The following ARFGAP1 variants were observed in gnomAD, a reference collection of about 807,000 sequenced individuals.
ARFGAP1 encodes the protein ADP-ribosylation factor GTPase-activating protein 1.
ARFGAP1 carries 26 observed loss-of-function variants against 54.0 expected under a neutral mutation model. The ratio of observed to expected loss-of-function variants is 0.48; its 90% CI spans 0.35 to 0.67. The LOEUF (loss-of-function observed/expected upper bound fraction) is 0.67. Among genes scored for constraint, ARFGAP1 ranks in the 30% least tolerant of loss-of-function variants. The pLI, the probability that ARFGAP1 is intolerant of heterozygous loss-of-function variation, is 0.00. For synonymous variants in ARFGAP1, 248 were observed against 211.9 expected, an observed-to-expected ratio of 1.17 and a Z score of -1.48; for missense variants, 525 against 535.8, an observed-to-expected ratio of 0.98 and a Z score of 0.20.
At position 63,282,811 on chromosome 20, in the gene ARFGAP1, C is replaced by A; in HGVS notation, c.685-8C>A. 1 of 1,614,034 alleles carries A rather than the reference C, an allele frequency of 6.2e-7. No individual in the cohort carries two copies. The highest frequency in any genetic ancestry group is 8.5e-7 in the Non-Finnish European group (1 of 1,179,976). ...TCTGTCAAGCCTTGTCTTTGTTTTT[C>A]ATTTTAGGCTACAAAGTTTGGATCC... On this transcript the variant is annotated splice_polypyrimidine_tract_variant and splice_region_variant and intron_variant, in intron 8 of 12. Coordinates refer to ENST00000370283, the MANE Select transcript of ARFGAP1 (RefSeq NM_018209.4).
At chr20:63,282,109 C>T (rs980770988) in intron 8 of ARFGAP1, among the ~76,000 whole-genome samples, 4 of 152,320 alleles carry the variant, frequency 2.6e-5, no homozygotes, top group African/African-American at 9.6e-5. Context: ...TCACAGCGCG[C>T]ACCTGTCACA....
chr20:63,281,987 G>A (rs1234398770), intron 8 of ARFGAP1, among the ~76,000 whole-genome samples: 1 of 152,102 alleles, frequency 6.6e-6, no homozygotes, highest in African/African-American at 2.4e-5. Context: ...TGGAAGTCAC[G>A]GTGCGCACCT....
chr20:63,288,904 G>T lies in ARFGAP1; in HGVS notation c.*1031G>T, dbSNP rs2067639612. The T allele has an allele frequency of 4.1e-6, 1 of 246,626 alleles. No individual in the cohort carries two copies. Among genetic ancestry groups the T allele is most frequent in the African/African-American group, 2.2e-5 (1 of 45,518 alleles). The allele number at this position is 246,626 out of a possible 1,614,324, so 15.3% of individuals were successfully genotyped here. A position where few individuals can be genotyped will look rare whatever the true frequency, so the allele number is the denominator to read the frequency against. On this transcript the variant is annotated 3_prime_UTR_variant, in exon 13 of 13. Transcript: ENST00000370283. ...AGCTCGTGCAGTTTGTACGTGAGGTGCTCTCCTCCCTGCCACCATGCTCAT... is the reference window on the plus strand; with the variant it reads ...AGCTCGTGCAGTTTGTACGTGAGGTTCTCTCCTCCCTGCCACCATGCTCAT...
At chr20:63,285,969 C>T (rs1161642394) in intron 11 of ARFGAP1, 12 of 1,510,268 alleles carry the variant, frequency 7.9e-6, no homozygotes, top group African/African-American at 4.1e-5. Context: ...GCCTTTTCCT[C>T]GGTAAGTAAG....
At chr20:63,277,855 T>C (rs1249207211) in intron 5 of ARFGAP1, among the ~76,000 whole-genome samples, 2 of 152,084 alleles carry the variant, frequency 1.3e-5, no homozygotes, top group African/African-American at 4.8e-5. Context: ...GCCTCACCTC[T>C]CCCCGCTGCC....
At position 63,275,028 on chromosome 20, in the gene ARFGAP1, C is replaced by T. The variant is rs552511434; in HGVS notation, c.-4-549C>T. 5.9e-5 allele frequency among the ~76,000 whole-genome samples: 9 copies of T among 152,290 alleles called. No individual in the cohort carries two copies. The South Asian group carries it at 1.9e-3, about 32-fold the overall frequency. ...CCCCAGAAGGACCTACTGCAGGTCC[C>T]CCAGCAGGCTGGACTTTCCACACAC... On this transcript the variant is annotated intron_variant, in intron 1 of 12. Coordinates refer to ENST00000370283, the MANE Select transcript of ARFGAP1 (RefSeq NM_018209.4).
In ARFGAP1 at chr20:63,279,179, C is replaced by G. The variant is rs1416002974; in HGVS notation, c.627+184C>G. 7.2e-6 allele frequency: 5 copies of G among 691,842 alleles called. No individual in the cohort carries two copies. The East Asian group carries it at 1.4e-4, about 19-fold the overall frequency. 42.9% of individuals were successfully genotyped at this position (691,842 alleles called of 1,614,324 possible). On this transcript the variant is annotated intron_variant, in intron 7 of 12. Transcript: ENST00000370283. The stretch of plus-strand genomic sequence containing the variant: ...AATGTGGCTTAAATTTTTCAGATCC[C>G]AAATGTATTCAATCACTTCCTTTTT...
At position 63,288,130 on chromosome 20, in the gene ARFGAP1, A is replaced by G; in HGVS notation, c.*257A>G. The G allele has an allele frequency of 5.0e-6, 3 of 598,094 alleles. No homozygotes were observed. Among genetic ancestry groups the G allele is most frequent in the Non-Finnish European group, 6.0e-6 (2 of 331,036 alleles). The allele number at this position is 598,094 out of a possible 1,614,324, so 37.0% of individuals were successfully genotyped here. A position where few individuals can be genotyped will look rare whatever the true frequency, so the allele number is the denominator to read the frequency against. ...CACTCCCCTGGGCATTCTTGGACTC[A>G]AGGCCGGGGCTCTGCGTGGCTTGCT... On this transcript the variant is annotated 3_prime_UTR_variant, in exon 13 of 13. Transcript: ENST00000370283.
chr20:63,286,514 G>A, intron 12 of ARFGAP1, 72 bp downstream of exon 12: 2 of 1,453,528 alleles, frequency 1.4e-6, no homozygotes, highest in South Asian at 2.4e-5. Context: ...AGGCTCTCCA[G>A]GAGGTGGCTG....
chr20:63,284,421 C>G, intron 9 of ARFGAP1: 1 of 1,079,410 alleles, frequency 9.3e-7, no homozygotes, highest in Non-Finnish European at 1.1e-6. Flanking sequence ...GCTCCTTTCT[C>G]AGCAGCTTCT....
chr20:63,282,593 T>C (rs1456519335), intron 8 of ARFGAP1, among the ~76,000 whole-genome samples: 2 of 152,172 alleles, frequency 1.3e-5, no homozygotes, highest in African/African-American at 2.4e-5. Context: ...CTCACCCCAA[T>C]AGCACACCGA....
At chr20:63,287,075 C>T (rs944896814) in intron 12 of ARFGAP1, among the ~76,000 whole-genome samples, 1 of 152,258 alleles carries the variant, frequency 6.6e-6, no homozygotes, top group Non-Finnish European at 1.5e-5. Context: ...ATGCACTGCC[C>T]ACTAGGTGGG....
In ARFGAP1 at chr20:63,276,909, G is replaced by A. The variant is rs373082180; in HGVS notation, c.342+258G>A. Among the ~76,000 whole-genome samples, 8 of 152,334 alleles carry A rather than the reference G, an allele frequency of 5.3e-5. No individual in the cohort carries two copies. In the East Asian group the frequency reaches 1.3e-3, roughly 26 times the overall value. On this transcript the variant is annotated intron_variant, in intron 4 of 12. Coordinates refer to ENST00000370283, the MANE Select transcript of ARFGAP1 (RefSeq NM_018209.4). The surrounding 1 kb of genome is among the most constrained non-coding windows in gnomAD (Gnocchi z 5.2). ...TGACCGTTTATTGCCTCTGTGACAT[G>A]TTGGGCACAGTGTTTCTAAGAAGTC... is the stretch of plus-strand genomic sequence containing the variant.
Position 63,276,603 on chromosome 20 carries a change from C to T in ARFGAP1, c.294C>T (p.Ser98=). 1 of 1,613,856 alleles carries T rather than the reference C, an allele frequency of 6.2e-7. No individual in the cohort carries two copies. The highest frequency in any genetic ancestry group is 8.5e-7 in the Non-Finnish European group (1 of 1,179,936). ...AGGAGGATTACGATCCTTGCTGGTCCTTGCAGGAGAAGTACAACAGCAGAG... is the reference window on the plus strand; with the variant it reads ...AGGAGGATTACGATCCTTGCTGGTCTTTGCAGGAGAAGTACAACAGCAGAG... ...ESQEDYDPCW[S]LQEKYNSRAA... is the part of the protein sequence containing the mutation. The change falls in exon 4 of 13, where the codon TCC becomes TCT. Residue 98 remains serine (S), a synonymous_variant. Coordinates refer to ENST00000370283, the MANE Select transcript of ARFGAP1 (RefSeq NM_018209.4). The surrounding 1 kb of genome is among the most constrained non-coding windows in gnomAD (Gnocchi z 5.2).
intron 7 of ARFGAP1, among the ~76,000 whole-genome samples, chr20:63,280,120 C>T (rs955668589): frequency 2.6e-5 from 4 of 151,794 alleles, no homozygotes; most frequent in South Asian, 2.1e-4. Flanking sequence ...CCGACCTGGG[C>T]GACAGAGTCC....
At chr20:63,286,305 C>T (rs1214983205) in intron 11 of ARFGAP1, 61 bp from the exon 12 acceptor site, 4 of 1,603,084 alleles carry the variant, frequency 2.5e-6, no homozygotes, top group South Asian at 1.1e-5. Context: ...GTGTGGGGGC[C>T]TCCTGAAGCT....
At chr20:63,278,549 C>T (rs545309849) in intron 6 of ARFGAP1, 1 of 457,130 alleles carries the variant, frequency 2.2e-6, no homozygotes, top group Admixed American at 3.8e-5. Flanking sequence ...GAAGCGCTAA[C>T]ACTTAGAAGA....
chr20:63,289,505 C>G lies in ARFGAP1; in HGVS notation c.*1632C>G, dbSNP rs1248526431. On this transcript the variant is annotated 3_prime_UTR_variant, in exon 13 of 13. Transcript: ENST00000370283. Reference sequence around the variant, plus strand: ...GGCAGCATGGAGCCAAGGTCTGTCCCCGCCCAGGAGGGTGCCTTCCTCGGG... The same window carrying G: ...GGCAGCATGGAGCCAAGGTCTGTCCGCGCCCAGGAGGGTGCCTTCCTCGGG... 6.6e-6 allele frequency: 1 copy of G among 152,434 alleles called. No individual in the cohort carries two copies. Among genetic ancestry groups the G allele is most frequent in the East Asian group, 1.9e-4 (1 of 5,192 alleles). 9.4% of individuals were successfully genotyped at this position (152,434 alleles called of 1,614,324 possible).
intron 6 of ARFGAP1, 55 bp downstream of exon 6, chr20:63,278,258 T>C: frequency 6.3e-7 from 1 of 1,581,456 alleles, no homozygotes; most frequent in Admixed American, 1.7e-5. Flanking sequence ...CAGGGTTCAG[T>C]CTGGTGGGTA....
Sources: gnomAD v4.1 joint callset for allele counts (sites outside exome capture counted in the v4.1 genomes callset) on GRCh38, gnomAD v4.1.1 for gene constraint, Gnocchi (gnomAD v3.1) non-coding constraint, MANE v1.5 for transcripts, NCBI Gene and HGNC (gene_info 2026-07-23, HGNC 2026-07-21) for gene names.